The following IMMP2L variants were observed in gnomAD, a reference collection of about 807,000 sequenced individuals.
IMMP2L encodes the protein mitochondrial inner membrane protease subunit 2.
IMMP2L carries 18 observed loss-of-function variants against 19.3 expected under a neutral mutation model. The observed-to-expected ratio is 0.93, with a 90% CI of 0.64 to 1.38. The LOEUF is 1.38. Ranked by LOEUF, IMMP2L falls within the 40% of genes most tolerant of loss-of-function variation. The pLI is 0.00. For synonymous variants in IMMP2L, 76 were observed against 73.0 expected, an observed-to-expected ratio of 1.04 and a Z score of -0.21; for missense variants, 233 against 218.2, an observed-to-expected ratio of 1.07 and a Z score of -0.43.
At chr7:111,498,838 A>C (rs1843854445) in intron 2 of IMMP2L, among the ~76,000 whole-genome samples, 1 of 152,158 alleles carries the variant, frequency 6.6e-6, no homozygotes, top group South Asian at 2.1e-4. Context: ...TATCAACAGG[A>C]ATTTTGGTAC....
intron 5 of IMMP2L, among the ~76,000 whole-genome samples, chr7:110,861,105 G>C (rs1393770779): frequency 7.9e-6 from 1 of 127,108 alleles, no homozygotes; most frequent in South Asian, 3.1e-4. Context: ...GTGTGAGAGA[G>C]AGAGAGAGAG....
intron 3 of IMMP2L, chr7:111,099,941 T>C (rs1451609028): frequency 6.6e-6 from 1 of 151,632 alleles, no homozygotes. Flanking sequence ...TTATTTAACA[T>C]GCTCCACAGC....
At position 111,123,846 on chromosome 7, in the gene IMMP2L, A is replaced by G. The variant is rs764594220; in HGVS notation, c.240-160281T>C. ...ACCATGGTACCATTGAGTCTCTGCC[A>G]AACCTCAAGGAAATCAGCATACACA... On this transcript the variant is annotated intron_variant, in intron 3 of 5. Transcript: ENST00000405709. This position sits in a 1 kb window ranked among gnomAD's most constrained non-coding sequence, Gnocchi z 6.4. 1 of 1,614,008 alleles carries G rather than the reference A, an allele frequency of 6.2e-7. No individual in the cohort carries two copies. The highest frequency in any genetic ancestry group is 1.7e-5 in the Admixed American group (1 of 59,942).
intron 4 of IMMP2L, among the ~76,000 whole-genome samples, chr7:110,903,698 A>C (rs1192284625): frequency 6.6e-6 from 1 of 152,160 alleles, no homozygotes; most frequent in Admixed American, 6.6e-5. Context: ...TCTGATGTGA[A>C]AAGTGCTAAA....
At chr7:111,270,535 A>C (rs1818343411) in intron 3 of IMMP2L, among the ~76,000 whole-genome samples, 1 of 152,134 alleles carries the variant, frequency 6.6e-6, no homozygotes, top group Non-Finnish European at 1.5e-5. Context: ...TAAAGAAAAA[A>C]ATTTCTTTAA....
intron 5 of IMMP2L, among the ~76,000 whole-genome samples, chr7:110,844,379 CAT>C (rs1270702804): frequency 6.6e-6 from 1 of 151,612 alleles, no homozygotes; most frequent in Admixed American, 6.6e-5. Flanking sequence ...CTTGTAAGGA[CAT>C]AAGAGAGAAA....
intron 3 of IMMP2L, among the ~76,000 whole-genome samples, chr7:111,428,974 C>T (rs1160613218): frequency 6.6e-6 from 1 of 151,624 alleles, no homozygotes; most frequent in African/African-American, 2.4e-5. Flanking sequence ...AGATAAAACG[C>T]GAATGAAGGC....
intron 5 of IMMP2L, among the ~76,000 whole-genome samples, chr7:110,830,142 G>A (rs1315141690): frequency 6.6e-6 from 1 of 152,088 alleles, no homozygotes; most frequent in African/African-American, 2.4e-5. Context: ...CATGAGAAAA[G>A]AGGTTAAAAA....
chr7:110,825,812 G>A (rs190155630), intron 5 of IMMP2L, among the ~76,000 whole-genome samples: 2,706 of 152,238 alleles, frequency 0.018, 33 homozygotes, highest in Admixed American at 0.035. Context: ...AAAAGCAATG[G>A]CAACAAAAGC....
At chr7:111,159,185 G>T (rs535910093) in intron 3 of IMMP2L, among the ~76,000 whole-genome samples, 2 of 152,074 alleles carry the variant, frequency 1.3e-5, no homozygotes, top group African/African-American at 4.8e-5. Context: ...GCATGATGTC[G>T]ACTCACTGCA....
intron 5 of IMMP2L, among the ~76,000 whole-genome samples, chr7:110,879,905 G>C (rs1225571020): frequency 6.6e-6 from 1 of 152,078 alleles, no homozygotes; most frequent in Non-Finnish European, 1.5e-5. Context: ...AGGTACTGTA[G>C]GTTGATAATA....
chr7:111,549,587 C>G (rs963767806), intron 1 of IMMP2L, among the ~76,000 whole-genome samples: 6 of 152,138 alleles, frequency 3.9e-5, no homozygotes, highest in Admixed American at 3.9e-4. Flanking sequence ...AAAAAATCTT[C>G]TAATATGTTG....
chr7:111,481,661 C>G (rs1330429219), intron 3 of IMMP2L, among the ~76,000 whole-genome samples: 1 of 151,730 alleles, frequency 6.6e-6, no homozygotes, highest in Non-Finnish European at 1.5e-5. Flanking sequence ...CCTGATCACT[C>G]CGACACTCTT....
At chr7:110,882,492 T>C (rs1214429492) in intron 5 of IMMP2L, among the ~76,000 whole-genome samples, 1 of 152,046 alleles carries the variant, frequency 6.6e-6, no homozygotes, top group African/African-American at 2.4e-5. Context: ...GTGATTCTCC[T>C]GCCTCAGCCT....
chr7:111,459,657 T>C (rs950676906), intron 3 of IMMP2L, among the ~76,000 whole-genome samples: 4 of 152,188 alleles, frequency 2.6e-5, no homozygotes, highest in Non-Finnish European at 2.9e-5. Flanking sequence ...ATTTATCATG[T>C]CCTTTCCCTC....
At chr7:111,254,322 A>T (rs1472437459) in intron 3 of IMMP2L, among the ~76,000 whole-genome samples, 1 of 152,126 alleles carries the variant, frequency 6.6e-6, no homozygotes, top group Non-Finnish European at 1.5e-5. Context: ...CTCTGGAATG[A>T]TCCTAAAAGT....
At chr7:111,298,150 T>C (rs927276415) in intron 3 of IMMP2L, among the ~76,000 whole-genome samples, 7 of 152,028 alleles carry the variant, frequency 4.6e-5, no homozygotes, top group African/African-American at 1.7e-4. Flanking sequence ...CATGGCAACA[T>C]GGAAAAGGAG....
At position 111,487,241 on chromosome 7, in the gene IMMP2L, A is replaced by C; in HGVS notation, c.236T>G (p.Leu79Trp). ...FEVHRGDIVSLVSPKNPEQKI... is the reference protein window; with the variant it reads ...FEVHRGDIVSWVSPKNPEQKI... Reference sequence around the variant, plus strand: ...AGTATGCTTCTGAGTTACTTACACCAATGATACAATGTCACCACGGTGTAC... The same window carrying C: ...AGTATGCTTCTGAGTTACTTACACCCATGATACAATGTCACCACGGTGTAC... Residue 79 changes from leucine (L) to tryptophan (W), a missense_variant, in exon 3 of 6, where the codon TTG (leucine) becomes TGG (tryptophan). Physicochemically the swap from Leu to Trp is moderately conservative, Grantham distance 61. Coordinates refer to ENST00000405709, the MANE Select transcript of IMMP2L (RefSeq NM_032549.4). The C allele has an allele frequency of 6.8e-7, 1 of 1,469,516 alleles. No homozygotes were observed. Among genetic ancestry groups the C allele is most frequent in the Non-Finnish European group, 9.5e-7 (1 of 1,049,132 alleles). 91.0% of individuals were successfully genotyped at this position (1,469,516 alleles called of 1,614,324 possible). A position where few individuals can be genotyped will look rare whatever the true frequency, so the allele number is the denominator to read the frequency against.
intron 3 of IMMP2L, among the ~76,000 whole-genome samples, chr7:111,281,221 AAAGAAAGAAAGAAAGAAAGAAAGAAG>A (rs1482866398): frequency 1.0e-5 from 1 of 96,244 alleles, no homozygotes; most frequent in African/African-American, 4.5e-5. Flanking sequence ...AAAGAAAAAG[AAAGAAAGAAAGAAAGAAAGAAAGAAG>A]AGAGAGAGAG....
Sources: allele counts gnomAD v4.1 joint callset (sites outside exome capture counted in the v4.1 genomes callset), GRCh38; gene constraint gnomAD v4.1.1; non-coding constraint Gnocchi (gnomAD v3.1); transcripts MANE v1.5; gene names NCBI Gene and HGNC (gene_info 2026-07-23, HGNC 2026-07-21).